The following PKNOX1 variants were observed in gnomAD, a reference collection of about 807,000 sequenced individuals.
The protein encoded by PKNOX1 is PBX/knotted 1 homeobox 1, also known as homeobox protein PKNOX1.
A neutral mutation model predicts 51.9 loss-of-function variants in PKNOX1; 15 were observed. The ratio of observed to expected loss-of-function variants is 0.29; its 90% CI spans 0.19 to 0.45. PKNOX1 has a LOEUF of 0.45. PKNOX1 is among the 20% of genes least tolerant of loss of function. The pLI, the probability that PKNOX1 is intolerant of heterozygous loss-of-function variation, is 1.00. For missense variants in PKNOX1, 462 were observed against 547.5 expected, an observed-to-expected ratio of 0.84 and a Z score of 1.56; for synonymous variants, 219 against 211.1, an observed-to-expected ratio of 1.04 and a Z score of -0.32.
chr21:43,016,935 A>G lies in PKNOX1; in HGVS notation c.550A>G (p.Ile184Val), dbSNP rs756488607. 1 of 1,611,856 alleles carries G rather than the reference A, an allele frequency of 6.2e-7. No homozygotes were observed. The highest frequency in any genetic ancestry group is 1.1e-5 in the South Asian group (1 of 91,040). ...QQIQSAITGT[I>V]SPQGIVVPAS... The stretch of plus-strand genomic sequence containing the variant: ...GATTCAAAGTGCCATCACAGGCACC[A>G]TCAGCCCTCAGGGAATTGTGGTGCC... The change falls in exon 6 of 11, where the codon ATC becomes GTC. Residue 184 changes from isoleucine to valine, a missense_variant. Transcript: ENST00000291547.
At chr21:42,990,757 G>A (rs2059083129) in intron 1 of PKNOX1, among the ~76,000 whole-genome samples, 1 of 152,226 alleles carries the variant, frequency 6.6e-6, no homozygotes, top group African/African-American at 2.4e-5. Context: ...GAGTGGTTTT[G>A]TGTTAGGTTT....
Position 43,028,800 on chromosome 21 carries a change from T to C in PKNOX1, c.1025T>C (p.Val342Ala). The stretch of plus-strand genomic sequence containing the variant: ...AAAAAAACTGCTCAGAACCGGCCAG[T>C]TCAGAGGTTTTGGCCTGATTCTATT... The part of the protein sequence containing the change: ...TKKKTAQNRP[V>A]QRFWPDSIAS... Residue 342 changes from valine to alanine, a missense_variant, in exon 10 of 11, where the codon GTT becomes GCT. Val to Ala is a moderately conservative substitution (Grantham distance 64). Transcript: ENST00000291547. The C allele has an allele frequency of 6.2e-7, 1 of 1,614,074 alleles. No individual in the cohort carries two copies. Among genetic ancestry groups the C allele is most frequent in the Non-Finnish European group, 8.5e-7 (1 of 1,180,012 alleles).
At chr21:42,994,918 C>CTTTTTTTTTTT (rs11361350) in intron 1 of PKNOX1, among the ~76,000 whole-genome samples, 3 of 113,602 alleles carry the variant, frequency 2.6e-5, no homozygotes, top group Non-Finnish European at 5.2e-5. Flanking sequence ...TTTCTTTCTT[C>CTTTTTTTTTTT]TTTTTTTTTT....
chr21:43,029,558 G>T (rs1250823154), intron 10 of PKNOX1, among the ~76,000 whole-genome samples: 1 of 150,196 alleles, frequency 6.7e-6, no homozygotes, highest in Non-Finnish European at 1.5e-5. Context: ...CTCCCGAGTA[G>T]CTCGGAGTAG....
In PKNOX1 at chr21:43,030,178, T is replaced by C; in HGVS notation, c.*77T>C. On this transcript the variant is annotated 3_prime_UTR_variant, in exon 11 of 11. Coordinates refer to ENST00000291547, the MANE Select transcript of PKNOX1 (RefSeq NM_004571.5). The stretch of plus-strand genomic sequence containing the variant: ...ACACAGTTTTATTTCTAATATGTTT[T>C]ATATGTAGATATAGAAGAGTGCACT... 1 of 1,113,942 alleles carries C rather than the reference T, an allele frequency of 9.0e-7. No individual in the cohort carries two copies. Among genetic ancestry groups the C allele is most frequent in the South Asian group, 1.6e-5 (1 of 61,900 alleles). The allele number at this position is 1,113,942 out of a possible 1,614,324, so 69.0% of individuals were successfully genotyped here. A position where few individuals can be genotyped will look rare whatever the true frequency, so the allele number is the denominator to read the frequency against.
intron 2 of PKNOX1, among the ~76,000 whole-genome samples, chr21:43,007,229 A>T (rs931696757): frequency 6.6e-6 from 1 of 152,252 alleles, no homozygotes; most frequent in African/African-American, 2.4e-5. Context: ...CGTTCTCTTC[A>T]TTAGGCCATC....
chr21:43,016,821 G>T, intron 5 of PKNOX1, 87 bp from the exon 6 acceptor site: 1 of 765,114 alleles, frequency 1.3e-6, no homozygotes, highest in Non-Finnish European at 2.1e-6. Context: ...TTTTTTAATG[G>T]TGTCATTATG....
rs1979148344 is a variant in PKNOX1 at position 43,009,514 on chromosome 21, G to C, written c.180-539G>C. On this transcript the variant is annotated intron_variant, in intron 3 of 10. Transcript: ENST00000291547. ...AGTCCCGGCTACTTGGGGAGGCTGA[G>C]TAGGAGAATCGCTTAAACCTGGGAG... is the stretch of plus-strand genomic sequence containing the variant. 2.0e-5 allele frequency among the ~76,000 whole-genome samples: 3 copies of C among 147,916 alleles called. No individual in the cohort carries two copies. In the South Asian group the frequency reaches 6.5e-4, roughly 32 times the overall value.
chr21:43,013,085 G>C lies in PKNOX1; in HGVS notation c.369G>C (p.Gln123His), dbSNP rs753816892. 1 of 1,610,314 alleles carries C rather than the reference G, an allele frequency of 6.2e-7. No individual in the cohort carries two copies. Among genetic ancestry groups the C allele is most frequent in the Non-Finnish European group, 8.5e-7 (1 of 1,177,862 alleles). Residue 123 changes from glutamine (Q) to histidine (H), a missense_variant, in exon 5 of 11, where the codon CAG (glutamine) becomes CAC (histidine). Gln to His is a conservative substitution (Grantham distance 24). Around this residue, in one of 5 missense-constraint regions of PKNOX1, gnomAD observed 14 missense variants for 39.3 expected, o/e 0.36. Transcript: ENST00000291547. ...TGCTCTAGATGGTAAAAGCAATCCAGGTTTTGCGCATTCATCTTCTTGAGC... is the reference window on the plus strand; with the variant it reads ...TGCTCTAGATGGTAAAAGCAATCCACGTTTTGCGCATTCATCTTCTTGAGC... ...ETDNLMVKAI[Q>H]VLRIHLLELE...
chr21:43,032,700 A>G lies in PKNOX1; in HGVS notation c.*2599A>G, dbSNP rs1448766464. The G allele has an allele frequency of 6.5e-6, 1 of 154,160 alleles. No homozygotes were observed. The highest frequency in any genetic ancestry group is 1.4e-5 in the Non-Finnish European group (1 of 69,070). 9.5% of individuals were successfully genotyped at this position (154,160 alleles called of 1,614,324 possible). Reference sequence around the variant, plus strand: ...CCTGAGAGTTAAACACCCATGCTGAATGATACAGTGTGCATTCTCTCCAGC... The same window carrying G: ...CCTGAGAGTTAAACACCCATGCTGAGTGATACAGTGTGCATTCTCTCCAGC... On this transcript the variant is annotated 3_prime_UTR_variant, in exon 11 of 11. Transcript: ENST00000291547.
intron 7 of PKNOX1, among the ~76,000 whole-genome samples, chr21:43,019,274 C>T (rs1172869677): frequency 8.6e-5 from 13 of 150,988 alleles, no homozygotes; most frequent in Non-Finnish European, 1.8e-4. Flanking sequence ...TGTCTATAAT[C>T]CCAGCTGCTC....
intron 1 of PKNOX1, among the ~76,000 whole-genome samples, chr21:42,991,400 A>G (rs576134098): frequency 6.6e-6 from 1 of 152,134 alleles, no homozygotes; most frequent in East Asian, 1.9e-4. Context: ...TGGCTTAACT[A>G]TACAGAGAGG....
In PKNOX1 at chr21:43,033,218, G is replaced by A. The variant is rs973203773; in HGVS notation, c.*3117G>A. The A allele has an allele frequency of 6.6e-6, 1 of 152,164 alleles. No homozygotes were observed. Among genetic ancestry groups the A allele is most frequent in the African/African-American group, 2.4e-5 (1 of 41,430 alleles). 9.4% of individuals were successfully genotyped at this position (152,164 alleles called of 1,614,324 possible). On this transcript the variant is annotated 3_prime_UTR_variant, in exon 11 of 11. Transcript: ENST00000291547. ...GCTTTGATTCCAGATAGTAAGATGAGTGGAAGTGTTTATCGAGCATGCAAA... is the reference window on the plus strand; with the variant it reads ...GCTTTGATTCCAGATAGTAAGATGAATGGAAGTGTTTATCGAGCATGCAAA...
intron 7 of PKNOX1, among the ~76,000 whole-genome samples, chr21:43,020,298 C>T (rs1312345860): frequency 6.6e-6 from 1 of 152,166 alleles, no homozygotes; most frequent in Non-Finnish European, 1.5e-5. Flanking sequence ...CCCTACGGAG[C>T]GATTTTGCTT....
intron 8 of PKNOX1, among the ~76,000 whole-genome samples, chr21:43,022,300 C>T (rs1979797289): frequency 6.6e-6 from 1 of 152,224 alleles, no homozygotes; most frequent in Non-Finnish European, 1.5e-5. Flanking sequence ...GGGCTGAAGC[C>T]TGTTTGTCCT....
chr21:42,986,601 G>A (rs1348438400), intron 1 of PKNOX1, among the ~76,000 whole-genome samples: 1 of 152,226 alleles, frequency 6.6e-6, no homozygotes, highest in African/African-American at 2.4e-5. Flanking sequence ...AAGCCAGGGT[G>A]GAAGAGAGAT....
chr21:42,987,402 AAAATAT>A (rs1221753270), intron 1 of PKNOX1, among the ~76,000 whole-genome samples: 21 of 62,588 alleles, frequency 3.4e-4, no homozygotes, highest in South Asian at 1.4e-3. Context: ...AAAAAAAAAA[AAAATAT>A]ATATATATAT....
intron 1 of PKNOX1, among the ~76,000 whole-genome samples, chr21:42,982,214 G>C (rs933065426): frequency 6.6e-6 from 1 of 152,186 alleles, no homozygotes; most frequent in African/African-American, 2.4e-5. Flanking sequence ...GGGGAGGAAT[G>C]AGCTTCTGAC....
chr21:42,984,054 TTACA>T (rs994979247), intron 1 of PKNOX1, among the ~76,000 whole-genome samples: 2 of 147,552 alleles, frequency 1.4e-5, no homozygotes, highest in African/African-American at 5.1e-5. Context: ...ATTGGGTTTC[TTACA>T]TGCATACGTG....
Sources: allele counts gnomAD v4.1 joint callset (sites outside exome capture counted in the v4.1 genomes callset), GRCh38; gene constraint gnomAD v4.1.1; regional missense constraint gnomAD v4.1.1; transcripts MANE v1.5; gene names NCBI Gene and HGNC (gene_info 2026-07-23, HGNC 2026-07-21).